Variants in TJP2 observed in about 807,000 individuals in gnomAD.
The protein encoded by TJP2 is tight junction protein 2.
TJP2 carries 91 observed loss-of-function variants against 133.1 expected under a neutral mutation model. That is an observed-to-expected ratio of 0.68 (90% CI 0.58 to 0.81). The LOEUF is 0.81. TJP2 is among the 40% of genes least tolerant of loss of function. TJP2 has a pLI of 0.00. For synonymous variants in TJP2, 592 were observed against 583.4 expected (o/e 1.01, Z -0.21); for missense variants, 1,541 against 1,565.6 (o/e 0.98, Z 0.26).
At chr9:69,130,891 T>A (rs1026165190) in intron 1 of TJP2, among the ~76,000 whole-genome samples, 1 of 151,900 alleles carries the variant, frequency 6.6e-6, no homozygotes, top group African/African-American at 2.4e-5. Flanking sequence ...CATGTATGGG[T>A]ATTGGTGTCA....
intron 5 of TJP2, among the ~76,000 whole-genome samples, chr9:69,224,363 C>A (rs1385393739): frequency 6.6e-6 from 1 of 150,672 alleles, no homozygotes; most frequent in Non-Finnish European, 1.5e-5. Context: ...GTTTTTTTTT[C>A]TCCCCAACAT....
chr9:69,165,740 G>A (rs1451617517), intron 2 of TJP2, among the ~76,000 whole-genome samples: 1 of 152,142 alleles, frequency 6.6e-6, no homozygotes, highest in Non-Finnish European at 1.5e-5. Flanking sequence ...GTCATACTTT[G>A]GAGCACCTTG....
chr9:69,218,536 T>C, intron 4 of TJP2, 177 bp downstream of exon 4: 1 of 655,412 alleles, frequency 1.5e-6, no homozygotes. Flanking sequence ...CTTCCTACTT[T>C]TCCTTGTGTC....
chr9:69,218,221 A>C, intron 3 of TJP2, 36 bp from the exon 4 acceptor site: 3 of 1,458,880 alleles, frequency 2.1e-6, no homozygotes, highest in Non-Finnish European at 2.9e-6. Context: ...AATAGATGGG[A>C]GTTTTTCATG....
intron 5 of TJP2, among the ~76,000 whole-genome samples, chr9:69,223,069 GAAA>G (rs57114714): frequency 0.068 from 7,709 of 113,406 alleles, 244 homozygotes; most frequent in East Asian, 0.089. Flanking sequence ...ACTCTGTCTT[GAAA>G]AAAAAAAAAA....
chr9:69,178,138 T>TATC, intron 1 of TJP2, among the ~76,000 whole-genome samples: 1 of 152,228 alleles, frequency 6.6e-6, no homozygotes, highest in Non-Finnish European at 1.5e-5. Context: ...GAGTAAGGAC[T>TATC]ATCATACCCC....
intron 10 of TJP2, among the ~76,000 whole-genome samples, chr9:69,229,557 T>G (rs1257806714): frequency 6.6e-6 from 1 of 152,210 alleles, no homozygotes; most frequent in Non-Finnish European, 1.5e-5. Flanking sequence ...AGGTGAAGTA[T>G]TTATTGCTAA....
intron 6 of TJP2, 140 bp downstream of exon 6, chr9:69,225,547 G>A (rs1399394735): frequency 1.5e-6 from 1 of 674,104 alleles, no homozygotes; most frequent in Non-Finnish European, 2.7e-6. Context: ...AGCATAATGA[G>A]ACGATTTTTA....
chr9:69,229,057 C>A, intron 9 of TJP2, 127 bp from the exon 10 acceptor site: 1 of 873,284 alleles, frequency 1.1e-6, no homozygotes, highest in Non-Finnish European at 1.9e-6. Flanking sequence ...ACTTTAGAGA[C>A]TTCTTTTTGT....
At chr9:69,201,300 A>G (rs1463651780) in intron 1 of TJP2, among the ~76,000 whole-genome samples, 1 of 152,232 alleles carries the variant, frequency 6.6e-6, no homozygotes, top group Non-Finnish European at 1.5e-5. Context: ...CCATTGGTAG[A>G]ACAAGTACTG....
intron 18 of TJP2, among the ~76,000 whole-genome samples, chr9:69,247,272 G>A (rs1241885268): frequency 6.6e-6 from 1 of 152,236 alleles, no homozygotes; most frequent in African/African-American, 2.4e-5. Flanking sequence ...GAACGTTAGG[G>A]AATTTGTCTA....
At position 69,125,037 on chromosome 9, in the gene TJP2, C is replaced by T. The variant is rs564049567; in HGVS notation, c.-131+3312C>T. 2.6e-5 allele frequency among the ~76,000 whole-genome samples: 2 copies of T among 76,836 alleles called. 1 individual carries two copies. The highest frequency in any genetic ancestry group is 7.2e-4 in the South Asian group (2 of 2,792). 50.4% of individuals were successfully genotyped at this position (76,836 alleles called of 152,430 possible). Reference sequence around the variant, plus strand: ...GCGCGATCTTGGCTTACTGCAACCTCTGCTTCCCAGGTTCAAGCGATTTTC... The same window carrying T: ...GCGCGATCTTGGCTTACTGCAACCTTTGCTTCCCAGGTTCAAGCGATTTTC... On this transcript the variant is annotated intron_variant, in intron 1 of 5. Transcript: ENST00000423935.
At chr9:69,217,919 T>G (rs1828515116) in intron 3 of TJP2, among the ~76,000 whole-genome samples, 1 of 152,180 alleles carries the variant, frequency 6.6e-6, no homozygotes, top group East Asian at 1.9e-4. Context: ...AAGCCCACCG[T>G]GCACCTCAGG....
intron 1 of TJP2, among the ~76,000 whole-genome samples, chr9:69,146,217 A>G (rs749638003): frequency 6.6e-6 from 1 of 152,248 alleles, no homozygotes; most frequent in Non-Finnish European, 1.5e-5. Flanking sequence ...TGTGCAGACT[A>G]TGCTTCGGGG....
chr9:69,164,632 T>G (rs1824252753), intron 2 of TJP2, among the ~76,000 whole-genome samples: 1 of 152,182 alleles, frequency 6.6e-6, no homozygotes, highest in African/African-American at 2.4e-5. Flanking sequence ...CAGCATTGCT[T>G]GGATAAAACT....
rs377304708 is a variant in TJP2 at position 69,136,561 on chromosome 9, A to G, written c.-131+14836A>G. Among the ~76,000 whole-genome samples, 88 of 152,338 alleles carry G rather than the reference A, an allele frequency of 5.8e-4. No homozygotes were observed. The South Asian group carries it at 0.017, about 30-fold the overall frequency. ...TTTTTTTAGCTAAAAATAAATGTAG[A>G]TGATTTGGAAATATTTTACAGGAAA... is the stretch of plus-strand genomic sequence containing the variant. On this transcript the variant is annotated intron_variant, in intron 1 of 5. Coordinates refer to the TJP2 transcript ENST00000423935.
intron 1 of TJP2, chr9:69,204,982 T>C: frequency 1.7e-5 from 23 of 1,352,722 alleles, no homozygotes; most frequent in Non-Finnish European, 2.2e-5. Flanking sequence ...TCATAAGTAG[T>C]GCTTTTCAAA....
chr9:69,167,856 A>G (rs1391858283), intron 2 of TJP2, among the ~76,000 whole-genome samples: 3 of 125,808 alleles, frequency 2.4e-5, no homozygotes, highest in African/African-American at 8.8e-5. Context: ...CAAGAGAGCG[A>G]GAGTCTGTCA....
intron 1 of TJP2, chr9:69,205,271 A>G: frequency 1.3e-6 from 2 of 1,537,078 alleles, no homozygotes; most frequent in Non-Finnish European, 1.7e-6. Flanking sequence ...GTTTTCCCCA[A>G]CCTTTCTTCA....
Sources: gnomAD v4.1 joint callset for allele counts (sites outside exome capture counted in the v4.1 genomes callset) on GRCh38, gnomAD v4.1.1 for gene constraint, MANE v1.5 for transcripts, NCBI Gene and HGNC (gene_info 2026-07-23, HGNC 2026-07-21) for gene names.